RPH3A: variants seen among roughly 807,000 people sequenced by gnomAD.
RPH3A encodes rabphilin 3A, also known as rabphilin-3A.
RPH3A carries 48 observed loss-of-function variants against 102.2 expected under a neutral mutation model. That is an observed-to-expected ratio of 0.47 (90% CI 0.37 to 0.60). The LOEUF (loss-of-function observed/expected upper bound fraction) is 0.60, where lower values mean the gene tolerates loss of function less well. Ranked by LOEUF, RPH3A falls within the 20% of genes least tolerant of loss-of-function variation. The probability of loss-of-function intolerance (pLI) is 0.00; values close to 1 mark genes in which losing one functional copy is unlikely to be tolerated. For synonymous variants in RPH3A, 310 were observed against 324.3 expected (o/e 0.96, Z 0.47); for missense variants, 781 against 910.1 (o/e 0.86, Z 1.83).
At chr12:112,652,446 G>A (rs2039981307) in intron 1 of RPH3A, among the ~76,000 whole-genome samples, 1 of 152,048 alleles carries the variant, frequency 6.6e-6, no homozygotes. Flanking sequence ...TTCCAGCCTG[G>A]GTGACAGAAA....
chr12:112,670,977 A>G (rs755697014), intron 1 of RPH3A, among the ~76,000 whole-genome samples: 1 of 152,208 alleles, frequency 6.6e-6, no homozygotes, highest in Admixed American at 6.5e-5. Context: ...AACTAGGACC[A>G]TGAATGCAAT....
intron 1 of RPH3A, among the ~76,000 whole-genome samples, chr12:112,601,982 A>C (rs928676939): frequency 6.6e-6 from 1 of 152,090 alleles, no homozygotes; most frequent in African/African-American, 2.4e-5. Context: ...TAAAAGTATA[A>C]AAACAGCATG....
At chr12:112,730,002 TAC>T (rs552240667) in intron 1 of RPH3A, among the ~76,000 whole-genome samples, 27 of 149,514 alleles carry the variant, frequency 1.8e-4, no homozygotes, top group East Asian at 1.9e-4. Context: ...ACTGGACACG[TAC>T]ACACACACAC....
At chr12:112,593,147 G>T (rs1481613876) in intron 1 of RPH3A, among the ~76,000 whole-genome samples, 4 of 152,146 alleles carry the variant, frequency 2.6e-5, no homozygotes, top group Non-Finnish European at 5.9e-5. Flanking sequence ...CAGAGAGCTT[G>T]CTGCCTCTCT....
intron 1 of RPH3A, among the ~76,000 whole-genome samples, chr12:112,711,415 C>T (rs986638776): frequency 3.3e-5 from 5 of 152,056 alleles, no homozygotes; most frequent in African/African-American, 1.2e-4. Context: ...AAGAGCACAT[C>T]TCTTTGGGGA....
At chr12:112,841,707 G>GTT (rs761403652) in intron 4 of RPH3A, among the ~76,000 whole-genome samples, 5,671 of 144,970 alleles carry the variant, frequency 0.039, 329 homozygotes, top group African/African-American at 0.12. Context: ...TGTTTTTTTG[G>GTT]TTTTTTTTTT....
intron 1 of RPH3A, among the ~76,000 whole-genome samples, chr12:112,764,498 C>A (rs1248933839): frequency 6.6e-6 from 1 of 152,170 alleles, no homozygotes; most frequent in African/African-American, 2.4e-5. Context: ...TAGGGAAGAT[C>A]TGGATTAATG....
At chr12:112,658,840 G>A (rs1255868629) in intron 1 of RPH3A, among the ~76,000 whole-genome samples, 1 of 152,152 alleles carries the variant, frequency 6.6e-6, no homozygotes, top group Non-Finnish European at 1.5e-5. Context: ...TGCCCAGATT[G>A]CCAGATTAAT....
intron 3 of RPH3A, among the ~76,000 whole-genome samples, chr12:112,832,161 C>T (rs1682302288): frequency 1.3e-5 from 2 of 152,012 alleles, no homozygotes; most frequent in Non-Finnish European, 2.9e-5. Flanking sequence ...TTCTCTCCTT[C>T]GTATTTTATA....
chr12:112,690,865 ACT>A (rs1181869103), intron 1 of RPH3A, among the ~76,000 whole-genome samples: 3 of 151,186 alleles, frequency 2.0e-5, no homozygotes, highest in African/African-American at 7.3e-5. Context: ...ATGCCTCATG[ACT>A]CTCTTCATTC....
At chr12:112,826,474 C>A (rs144403827) in intron 2 of RPH3A, among the ~76,000 whole-genome samples, 1 of 152,318 alleles carries the variant, frequency 6.6e-6, no homozygotes, top group Non-Finnish European at 1.5e-5. Flanking sequence ...GTACACACAT[C>A]TCAAGAGTTT....
chr12:112,765,330 G>A (rs941332532), intron 1 of RPH3A, among the ~76,000 whole-genome samples: 2 of 151,366 alleles, frequency 1.3e-5, no homozygotes, highest in Admixed American at 6.6e-5. Flanking sequence ...CAGAAGAAAG[G>A]CAGGCTGCCT....
At chr12:112,797,954 GC>G (rs1311184002) in intron 2 of RPH3A, among the ~76,000 whole-genome samples, 1 of 152,176 alleles carries the variant, frequency 6.6e-6, no homozygotes, top group Admixed American at 6.5e-5. Context: ...CTACCGAAGT[GC>G]TGGGATTCCA....
chr12:112,583,985 C>G (rs1421140526), intron 1 of RPH3A, among the ~76,000 whole-genome samples: 1 of 151,754 alleles, frequency 6.6e-6, no homozygotes, highest in Admixed American at 6.6e-5. Flanking sequence ...GACCCTGTCT[C>G]AAAAAAATAA....
chr12:112,764,232 G>A (rs2040873037), intron 1 of RPH3A, among the ~76,000 whole-genome samples: 2 of 152,320 alleles, frequency 1.3e-5, no homozygotes, highest in Middle Eastern at 3.4e-3. Flanking sequence ...ATGAGGTACA[G>A]GAGCTTATGT....
At chr12:112,592,156 C>T (rs948715293) in intron 1 of RPH3A, among the ~76,000 whole-genome samples, 8 of 152,022 alleles carry the variant, frequency 5.3e-5, no homozygotes, top group African/African-American at 1.9e-4. Flanking sequence ...GTGGGTGCAT[C>T]CCTTGAGGCC....
At chr12:112,662,110 G>A (rs1323764955) in intron 1 of RPH3A, among the ~76,000 whole-genome samples, 3 of 152,178 alleles carry the variant, frequency 2.0e-5, no homozygotes, top group Non-Finnish European at 4.4e-5. Context: ...TACTCTAAAA[G>A]CATTGAGCAG....
chr12:112,862,114 G>A (rs1156962004), intron 5 of RPH3A, among the ~76,000 whole-genome samples: 1 of 151,810 alleles, frequency 6.6e-6, no homozygotes, highest in Non-Finnish European at 1.5e-5. Flanking sequence ...GAGACCATGA[G>A]TTTGAGACCA....
chr12:112,712,939 C>A (rs1204261736), intron 1 of RPH3A, among the ~76,000 whole-genome samples: 1 of 114,928 alleles, frequency 8.7e-6, no homozygotes, highest in East Asian at 2.7e-4. Context: ...TCTTCTTCTT[C>A]TTCTTCTTCT....
Sources: gnomAD v4.1 joint callset for allele counts (sites outside exome capture counted in the v4.1 genomes callset) on GRCh38, gnomAD v4.1.1 for gene constraint, MANE v1.5 for transcripts, NCBI Gene and HGNC (gene_info 2026-07-23, HGNC 2026-07-21) for gene names.